The following PRKCA variants were observed in gnomAD, a reference collection of about 807,000 sequenced individuals.
PRKCA encodes protein kinase C alpha.
A neutral mutation model predicts 87.0 loss-of-function variants in PRKCA; 27 were observed. The observed-to-expected ratio is 0.31, with a 90% CI of 0.23 to 0.43. PRKCA has a LOEUF of 0.43. Ranked by LOEUF, PRKCA falls within the 20% of genes least tolerant of loss-of-function variation. The probability of loss-of-function intolerance (pLI) is 1.00; values close to 1 mark genes in which losing one functional copy is unlikely to be tolerated. For missense variants in PRKCA, 518 were observed against 852.3 expected (o/e 0.61, Z 4.88); for synonymous variants, 329 against 311.1 (o/e 1.06, Z -0.61).
chr17:66,687,173 C>G lies in PRKCA; in HGVS notation c.592C>G (p.Leu198Val). The change falls in exon 6 of 17, where the codon CTG (leucine) becomes GTG (valine). Residue 198 changes from leucine (L) to valine (V), a missense_variant. Transcript: ENST00000413366. The stretch of plus-strand genomic sequence containing the variant: ...CGGGCTTTCAGATCCTTATGTGAAG[C>G]TGAAACTTATTCCTGATCCCAAGAA... ...PNGLSDPYVKLKLIPDPKNES... is the reference protein window; with the variant it reads ...PNGLSDPYVKVKLIPDPKNES... 1 of 1,613,952 alleles carries G rather than the reference C, an allele frequency of 6.2e-7. No individual in the cohort carries two copies. Among genetic ancestry groups the G allele is most frequent in the Admixed American group, 1.7e-5 (1 of 60,020 alleles).
chr17:66,472,798 A>G (rs1366537000), intron 2 of PRKCA, among the ~76,000 whole-genome samples: 1 of 152,208 alleles, frequency 6.6e-6, no homozygotes, highest in East Asian at 1.9e-4. Flanking sequence ...TCCATGGGAA[A>G]TGACTATAGG....
chr17:66,371,736 AG>A (rs1305436667), intron 2 of PRKCA, among the ~76,000 whole-genome samples: 2 of 152,252 alleles, frequency 1.3e-5, no homozygotes, highest in East Asian at 3.8e-4. Context: ...AAAGGCCACT[AG>A]GTGATACATT....
At position 66,578,275 on chromosome 17, in the gene PRKCA, G is replaced by A. The variant is rs191930593; in HGVS notation, c.289-63080G>A. Among the ~76,000 whole-genome samples, 52 of 152,268 alleles carry A rather than the reference G, an allele frequency of 3.4e-4. 1 individual carries two copies. The highest frequency in any genetic ancestry group is 1.2e-3 in the African/African-American group (50 of 41,562). ...CCTCACCTGCAGCAGGTAGAGCCCA[G>A]CAAGTCGGTCCAGGCTTCCGCACAT... On this transcript the variant is annotated intron_variant, in intron 3 of 16. Coordinates refer to ENST00000413366, the MANE Select transcript of PRKCA (RefSeq NM_002737.3).
chr17:66,357,022 G>A lies in PRKCA; in HGVS notation c.205+50895G>A, dbSNP rs186733372. The stretch of plus-strand genomic sequence containing the variant: ...GATCCACTTGCCTCAGCCTCCCAAA[G>A]TGCTGGGGATTATAGGCGTGAGCCA... On this transcript the variant is annotated intron_variant, in intron 2 of 16. Transcript: ENST00000413366. Among the ~76,000 whole-genome samples, 209 of 152,354 alleles carry A rather than the reference G, an allele frequency of 1.4e-3. 8 individuals carry two copies. In the East Asian group the frequency reaches 0.038, roughly 28 times the overall value.
intron 2 of PRKCA, among the ~76,000 whole-genome samples, chr17:66,331,285 G>C (rs572221037): frequency 1.8e-4 from 28 of 152,188 alleles, no homozygotes; most frequent in African/African-American, 6.5e-4. Flanking sequence ...TTTCTCTTCT[G>C]TGTTTAAGTA....
At chr17:66,752,899 G>T (rs866347586) in intron 13 of PRKCA, among the ~76,000 whole-genome samples, 12 of 152,310 alleles carry the variant, frequency 7.9e-5, no homozygotes, top group African/African-American at 2.9e-4. Flanking sequence ...AACACGTTCT[G>T]CAGGTCAAAG....
chr17:66,682,463 G>A (rs1482426649), intron 5 of PRKCA, among the ~76,000 whole-genome samples: 1 of 152,266 alleles, frequency 6.6e-6, no homozygotes, highest in African/African-American at 2.4e-5. Flanking sequence ...CATAAAGGCT[G>A]CAGAACTGCT....
chr17:66,563,039 T>A (rs889675009), intron 3 of PRKCA, among the ~76,000 whole-genome samples: 2 of 152,214 alleles, frequency 1.3e-5, no homozygotes, highest in African/African-American at 2.4e-5. Context: ...AAAGATATTT[T>A]TTAGAGCCAT....
rs1199519760 is a variant in PRKCA, at chr17:66,792,060, G to A, written c.1854+3081G>A. On this transcript the variant is annotated intron_variant, in intron 16 of 16. Transcript: ENST00000413366. This position sits in a 1 kb window ranked among gnomAD's most constrained non-coding sequence, Gnocchi z 4.5. ...ACACAGCTAGCGACTCTCACCGTGA[G>A]CCCATTTCTGAGTGGCTCTCGCCTC... 6.6e-6 allele frequency among the ~76,000 whole-genome samples: 1 copy of A among 152,180 alleles called. No homozygotes were observed. The highest frequency in any genetic ancestry group is 1.5e-5 in the Non-Finnish European group (1 of 68,022).
chr17:66,730,656 A>G (rs2144194479), intron 8 of PRKCA, among the ~76,000 whole-genome samples: 1 of 152,240 alleles, frequency 6.6e-6, no homozygotes, highest in South Asian at 2.1e-4. Context: ...CAGCCAGGAG[A>G]CCTGAGACTG....
In PRKCA at chr17:66,680,057, T is replaced by A. The variant is rs550729391; in HGVS notation, c.530-7054T>A. Among the ~76,000 whole-genome samples, 4 of 152,334 alleles carry A rather than the reference T, an allele frequency of 2.6e-5. No individual in the cohort carries two copies. In the South Asian group the frequency reaches 8.3e-4, roughly 32 times the overall value. ...ATTTTTTATTCCTCAAAGACAAGGC[T>A]CATGGGTTGTGGAAGCGTCCTTCAC... On this transcript the variant is annotated intron_variant, in intron 5 of 16. Coordinates refer to ENST00000413366, the MANE Select transcript of PRKCA (RefSeq NM_002737.3).
intron 13 of PRKCA, among the ~76,000 whole-genome samples, chr17:66,760,384 G>A (rs1598923609): frequency 1.3e-5 from 2 of 152,206 alleles, no homozygotes; most frequent in Admixed American, 6.5e-5. Flanking sequence ...CTTATCAAAT[G>A]TTATACGGTG....
At chr17:66,710,067 G>A (rs1427986226) in intron 8 of PRKCA, among the ~76,000 whole-genome samples, 2 of 152,160 alleles carry the variant, frequency 1.3e-5, no homozygotes, top group African/African-American at 4.8e-5. Context: ...GCTGTTTGAT[G>A]TGAGACCACT....
At chr17:66,802,194 T>C (rs1975916612) in intron 16 of PRKCA, among the ~76,000 whole-genome samples, 2 of 151,988 alleles carry the variant, frequency 1.3e-5, no homozygotes, top group Admixed American at 1.3e-4. Context: ...CACACCAGCC[T>C]GGGTGACAGA....
chr17:66,496,262 G>C lies in PRKCA; in HGVS notation c.267G>C (p.Ala89=). Residue 89 remains alanine, a synonymous_variant, in exon 3 of 17, where the codon GCG becomes GCC. Coordinates refer to ENST00000413366, the MANE Select transcript of PRKCA (RefSeq NM_002737.3). The part of the protein sequence containing the change: ...HEFVTFSCPG[A]DKGPDTDDPR... ...TTGTTACTTTTTCTTGTCCGGGTGC[G>C]GATAAGGGACCCGACACTGATGTAA... The C allele has an allele frequency of 6.2e-7, 1 of 1,613,812 alleles. No individual in the cohort carries two copies. The highest frequency in any genetic ancestry group is 1.1e-5 in the South Asian group (1 of 91,078).
intron 8 of PRKCA, among the ~76,000 whole-genome samples, chr17:66,731,349 C>T (rs1334850119): frequency 6.2e-5 from 4 of 64,622 alleles, no homozygotes; most frequent in Non-Finnish European, 1.1e-4. Context: ...AACTCCGTCT[C>T]AGAAAAAAAA....
intron 2 of PRKCA, among the ~76,000 whole-genome samples, chr17:66,427,648 T>C (rs1460749064): frequency 6.6e-6 from 1 of 152,204 alleles, no homozygotes; most frequent in Admixed American, 6.5e-5. Context: ...GGACTGAAGA[T>C]GTGCATTTGG....
chr17:66,666,853 G>A (rs1972058545), intron 5 of PRKCA, among the ~76,000 whole-genome samples: 1 of 151,870 alleles, frequency 6.6e-6, no homozygotes, highest in Non-Finnish European at 1.5e-5. Flanking sequence ...CAAATTTAGA[G>A]ATTATTTCCA....
chr17:66,682,362 A>G (rs1972516034), intron 5 of PRKCA, among the ~76,000 whole-genome samples: 2 of 152,370 alleles, frequency 1.3e-5, no homozygotes. Context: ...CTGTATTTCT[A>G]TTAAAGTTCT....
Sources: gnomAD v4.1 joint callset for allele counts (sites outside exome capture counted in the v4.1 genomes callset) on GRCh38, gnomAD v4.1.1 for gene constraint, Gnocchi (gnomAD v3.1) non-coding constraint, MANE v1.5 for transcripts, NCBI Gene and HGNC (gene_info 2026-07-23, HGNC 2026-07-21) for gene names.